Variants in MYT1L observed in about 807,000 individuals in gnomAD.
MYT1L encodes the protein myelin transcription factor 1-like protein.
MYT1L carries 12 observed loss-of-function variants against 126.7 expected under a neutral mutation model. The ratio of observed to expected loss-of-function variants is 0.09; its 90% CI spans 0.06 to 0.15. The LOEUF (loss-of-function observed/expected upper bound fraction) is 0.15. MYT1L is among the 10% of genes least tolerant of loss of function. MYT1L has a pLI of 1.00. For missense variants in MYT1L, 979 were observed against 1,585.2 expected (o/e 0.62, Z 6.49); for synonymous variants, 541 against 604.2 (o/e 0.90, Z 1.53).
At chr2:1,855,777 C>T (rs1368430910) in intron 18 of MYT1L, among the ~76,000 whole-genome samples, 1 of 151,864 alleles carries the variant, frequency 6.6e-6, no homozygotes, top group East Asian at 1.9e-4. Flanking sequence ...AGCTGCCCCA[C>T]GGATATTTTC....
intron 3 of MYT1L, among the ~76,000 whole-genome samples, chr2:2,081,718 AGTTT>A (rs1404235159): frequency 2.6e-5 from 4 of 152,040 alleles, no homozygotes; most frequent in Admixed American, 2.6e-4. Flanking sequence ...TACCTTAGTT[AGTTT>A]ATTTATTTAT....
chr2:2,106,099 C>T (rs1253720556), intron 3 of MYT1L, among the ~76,000 whole-genome samples: 1 of 152,188 alleles, frequency 6.6e-6, no homozygotes, highest in African/African-American at 2.4e-5. Flanking sequence ...GAGCACCACG[C>T]AGCCAGCTCA....
intron 2 of MYT1L, among the ~76,000 whole-genome samples, chr2:2,205,087 G>T (rs866154700): frequency 3.5e-4 from 43 of 121,328 alleles, no homozygotes; most frequent in South Asian, 2.3e-3. Flanking sequence ...ACAGGAAGGG[G>T]AACATCACAT....
chr2:2,311,260 C>A (rs946546274), intron 1 of MYT1L, among the ~76,000 whole-genome samples: 2 of 152,200 alleles, frequency 1.3e-5, no homozygotes, highest in Non-Finnish European at 2.9e-5. Context: ...AAGACACGAA[C>A]CATGTTGTAT....
chr2:1,891,311 C>T (rs929759312), intron 15 of MYT1L, among the ~76,000 whole-genome samples: 2 of 152,196 alleles, frequency 1.3e-5, no homozygotes, highest in African/African-American at 4.8e-5. Context: ...TGCTCAGCGT[C>T]TCCTCTGAGA....
intron 2 of MYT1L, among the ~76,000 whole-genome samples, chr2:2,236,645 A>G (rs2149102652): frequency 7.2e-6 from 1 of 138,772 alleles, no homozygotes; most frequent in South Asian, 2.2e-4. Context: ...AACCCAACCC[A>G]GCACATCCCA....
At position 1,793,296 on chromosome 2, in the gene MYT1L, G is replaced by A. The variant is rs974719271; in HGVS notation, c.3277-832C>T. ...GAGTTCAGGGCCTCTGCCTATAACC[G>A]CACAGGACTAGCTTCACACGCAGCA... On this transcript the variant is annotated intron_variant, in intron 23 of 24. Transcript: ENST00000647738. The surrounding 1 kb of genome is among the most constrained non-coding windows in gnomAD (Gnocchi z 4.6). 6.6e-6 allele frequency among the ~76,000 whole-genome samples: 1 copy of A among 152,198 alleles called. No individual in the cohort carries two copies. Among genetic ancestry groups the A allele is most frequent in the African/African-American group, 2.4e-5 (1 of 41,444 alleles).
intron 21 of MYT1L, among the ~76,000 whole-genome samples, chr2:1,813,014 G>C (rs1013693731): frequency 6.6e-6 from 1 of 152,158 alleles, no homozygotes; most frequent in Non-Finnish European, 1.5e-5. Flanking sequence ...GTCGGTCCAC[G>C]GTGCGTGTGG....
At chr2:1,865,231 C>T (rs1422215229) in intron 18 of MYT1L, among the ~76,000 whole-genome samples, 4 of 152,180 alleles carry the variant, frequency 2.6e-5, no homozygotes, top group Non-Finnish European at 5.9e-5. Context: ...GGGACCTGCA[C>T]TGGATGTGAG....
At position 1,889,233 on chromosome 2, in the gene MYT1L, G is replaced by A; in HGVS notation, c.2520+8C>T. 2 of 1,609,596 alleles carry A rather than the reference G, an allele frequency of 1.2e-6. No individual in the cohort carries two copies. The highest frequency in any genetic ancestry group is 1.7e-6 in the Non-Finnish European group (2 of 1,176,416). ...GCAGTCAACACAGGCTCAATGAAAA[G>A]GACATACAGTAATGTCTTTGGACTC... On this transcript the variant is annotated splice_region_variant and intron_variant, in intron 16 of 24. Coordinates refer to ENST00000647738, the MANE Select transcript of MYT1L (RefSeq NM_001303052.2). This position sits in a 1 kb window ranked among gnomAD's most constrained non-coding sequence, Gnocchi z 4.1.
At chr2:2,235,607 C>A (rs2094276861) in intron 2 of MYT1L, among the ~76,000 whole-genome samples, 1 of 152,172 alleles carries the variant, frequency 6.6e-6, no homozygotes. Context: ...TCCTCTGGCC[C>A]TCACATTGCA....
intron 2 of MYT1L, among the ~76,000 whole-genome samples, chr2:2,211,835 A>G (rs2093528058): frequency 6.6e-6 from 1 of 151,756 alleles, no homozygotes; most frequent in Non-Finnish European, 1.5e-5. Context: ...AACAAAAAAA[A>G]AACTGACAAT....
At chr2:2,280,227 A>G (rs2095428620) in intron 2 of MYT1L, among the ~76,000 whole-genome samples, 1 of 152,202 alleles carries the variant, frequency 6.6e-6, no homozygotes, top group South Asian at 2.1e-4. Flanking sequence ...TATGATGTCA[A>G]ATTAGGTCAT....
intron 1 of MYT1L, among the ~76,000 whole-genome samples, chr2:2,295,593 C>G (rs958290825): frequency 0.02 from 418 of 20,760 alleles, 23 homozygotes; most frequent in South Asian, 0.079. Flanking sequence ...GACAGACAGA[C>G]AGAGAGAGAG....
chr2:2,162,114 A>G (rs926823256), intron 3 of MYT1L, among the ~76,000 whole-genome samples: 10 of 152,142 alleles, frequency 6.6e-5, no homozygotes, highest in African/African-American at 2.4e-4. Context: ...TTGGACTCCA[A>G]ACTCAGCTCA....
At chr2:2,176,815 T>C (rs938187233) in intron 2 of MYT1L, among the ~76,000 whole-genome samples, 3 of 152,130 alleles carry the variant, frequency 2.0e-5, no homozygotes, top group Non-Finnish European at 1.5e-5. Context: ...ATAACCTTAA[T>C]TTCAACTTCT....
At chr2:1,959,735 A>T (rs976406215) in intron 8 of MYT1L, among the ~76,000 whole-genome samples, 1 of 152,204 alleles carries the variant, frequency 6.6e-6, no homozygotes, top group Admixed American at 6.5e-5. Context: ...ATTTGTGCTC[A>T]GATAGAGATG....
chr2:1,843,426 G>C (rs1372563147), intron 19 of MYT1L, among the ~76,000 whole-genome samples: 1 of 152,086 alleles, frequency 6.6e-6, no homozygotes, highest in Non-Finnish European at 1.5e-5. Flanking sequence ...GAGTTACTAC[G>C]GTATCCTACC....
chr2:1,875,099 C>T (rs1016747187), intron 18 of MYT1L, among the ~76,000 whole-genome samples: 5 of 152,190 alleles, frequency 3.3e-5, no homozygotes, highest in Non-Finnish European at 4.4e-5. Context: ...TGCTGAGGGG[C>T]GCCATCAGGG....
Sources: gnomAD v4.1 joint callset for allele counts (sites outside exome capture counted in the v4.1 genomes callset) on GRCh38, gnomAD v4.1.1 for gene constraint, Gnocchi (gnomAD v3.1) non-coding constraint, MANE v1.5 for transcripts, NCBI Gene and HGNC (gene_info 2026-07-23, HGNC 2026-07-21) for gene names.